The following VAC14 variants were observed in gnomAD, a reference collection of about 807,000 sequenced individuals.
VAC14 encodes protein VAC14 homolog.
Under a neutral mutation model 85.3 loss-of-function variants are expected in VAC14, and 47 were observed. That is an observed-to-expected ratio of 0.55 (90% confidence interval 0.44 to 0.70). VAC14 has a LOEUF of 0.70. Among genes scored for constraint, VAC14 ranks in the 30% least tolerant of loss-of-function variants. VAC14 has a pLI of 0.00. For synonymous variants in VAC14, 447 were observed against 430.5 expected, an observed-to-expected ratio of 1.04 and a Z score of -0.47; for missense variants, 861 against 1,004.3, an observed-to-expected ratio of 0.86 and a Z score of 1.93.
chr16:70,760,750 C>T (rs1450086930), intron 12 of VAC14, among the ~76,000 whole-genome samples: 1 of 152,166 alleles, frequency 6.6e-6, no homozygotes, highest in Admixed American at 6.5e-5. Context: ...GCACAGAAAG[C>T]TGGATGGGAT....
intron 1 of VAC14, among the ~76,000 whole-genome samples, chr16:70,786,825 A>G (rs1316756650): frequency 6.6e-6 from 1 of 152,248 alleles, no homozygotes; most frequent in Non-Finnish European, 1.5e-5. Flanking sequence ...AAATAATTGT[A>G]GCAAAGTGGC....
chr16:70,701,851 C>T (rs1467884758), intron 14 of VAC14, among the ~76,000 whole-genome samples: 1 of 152,206 alleles, frequency 6.6e-6, no homozygotes, highest in Admixed American at 6.5e-5. Flanking sequence ...TTTTTGGTTC[C>T]TGACCTCGCC....
intron 6 of VAC14, 70 bp downstream of exon 6, chr16:70,783,375 G>A: frequency 1.3e-6 from 2 of 1,497,828 alleles, no homozygotes; most frequent in African/African-American, 2.8e-5. Flanking sequence ...GCCTCTCTGT[G>A]GGCATGAAGC....
intron 12 of VAC14, among the ~76,000 whole-genome samples, chr16:70,751,278 G>C (rs766197317): frequency 2.0e-5 from 3 of 152,234 alleles, no homozygotes; most frequent in Admixed American, 2.0e-4. Context: ...GGCCTGGCCA[G>C]GAAGAAGCTG....
intron 12 of VAC14, among the ~76,000 whole-genome samples, chr16:70,750,065 A>G (rs1419281082): frequency 6.6e-6 from 1 of 152,166 alleles, no homozygotes; most frequent in African/African-American, 2.4e-5. Context: ...TATAGGTAGA[A>G]ACCTCTGGAG....
chr16:70,757,737 C>G (rs939302850), intron 12 of VAC14, among the ~76,000 whole-genome samples: 7 of 152,210 alleles, frequency 4.6e-5, no homozygotes, highest in Non-Finnish European at 7.3e-5. Flanking sequence ...AGGCCCTTTA[C>G]AGAAATGACC....
intron 14 of VAC14, among the ~76,000 whole-genome samples, chr16:70,718,785 G>A (rs1467767498): frequency 1.3e-5 from 2 of 152,122 alleles, no homozygotes; most frequent in Non-Finnish European, 2.9e-5. Flanking sequence ...CCCTGTCTGG[G>A]CCAATCAGAG....
chr16:70,768,864 G>A (rs1305074742), intron 10 of VAC14: 4 of 451,326 alleles, frequency 8.9e-6, no homozygotes, highest in South Asian at 3.1e-5. Flanking sequence ...GCAGTGGCGC[G>A]ATCTCGGCTC....
intron 5 of VAC14, 25 bp downstream of exon 5, chr16:70,784,088 G>C: frequency 6.2e-7 from 1 of 1,600,758 alleles, no homozygotes; most frequent in South Asian, 1.1e-5. Flanking sequence ...GGAGGCTGGA[G>C]AAACGGTGTC....
chr16:70,695,009 G>A (rs963400479), intron 17 of VAC14, among the ~76,000 whole-genome samples: 1 of 152,190 alleles, frequency 6.6e-6, no homozygotes, highest in Non-Finnish European at 1.5e-5. Flanking sequence ...GCTGGCTCAT[G>A]TCCAGGAGAC....
chr16:70,723,661 A>G (rs1240568873), intron 14 of VAC14, among the ~76,000 whole-genome samples: 1 of 152,218 alleles, frequency 6.6e-6, no homozygotes, highest in Admixed American at 6.5e-5. Flanking sequence ...TCCATTATCA[A>G]GTTCTCAGCC....
chr16:70,796,454 C>T (rs1219519799), intron 1 of VAC14, among the ~76,000 whole-genome samples: 1 of 152,176 alleles, frequency 6.6e-6, no homozygotes, highest in African/African-American at 2.4e-5. Flanking sequence ...TATCAAATTC[C>T]TTTTATTATA....
intron 12 of VAC14, among the ~76,000 whole-genome samples, chr16:70,754,883 GA>G (rs2031703595): frequency 1.3e-5 from 2 of 152,202 alleles, no homozygotes; most frequent in African/African-American, 4.8e-5. Flanking sequence ...AGAATCTGAG[GA>G]GGAAAAACAA....
rs1399362083 is a variant in VAC14 at position 70,800,791 on chromosome 16, TCTTA to T, written c.104+2_104+5del. On this transcript the variant is annotated splice_donor_variant and splice_donor_5th_base_variant and intron_variant, in intron 1 of 18. Coordinates refer to ENST00000261776, the MANE Select transcript of VAC14 (RefSeq NM_018052.5). LOFTEE classifies it high-confidence loss of function. ...ATAGCCAGGGAGGGGTCCTGGCGGCTCTTACTTCTCGATCTCCAGCGCTGCCACC... is the reference window on the plus strand; with the variant it reads ...ATAGCCAGGGAGGGGTCCTGGCGGCTCTTCTCGATCTCCAGCGCTGCCACC... 1.9e-6 allele frequency: 3 copies of T among 1,609,818 alleles called. No individual in the cohort carries two copies. The highest frequency in any genetic ancestry group is 1.7e-5 in the Admixed American group (1 of 59,816).
intron 18 of VAC14, among the ~76,000 whole-genome samples, chr16:70,692,544 A>G (rs2053617420): frequency 1.3e-5 from 2 of 152,104 alleles, no homozygotes; most frequent in South Asian, 4.1e-4. Context: ...TAGATTTTGC[A>G]TAGCCTCACT....
intron 14 of VAC14, among the ~76,000 whole-genome samples, chr16:70,726,936 C>T (rs964067662): frequency 2.6e-5 from 4 of 152,234 alleles, no homozygotes; most frequent in African/African-American, 9.6e-5. Flanking sequence ...ACCCCGTTCT[C>T]ACCCCCACTG....
chr16:70,719,879 T>A (rs926409567), intron 14 of VAC14, among the ~76,000 whole-genome samples: 1 of 152,216 alleles, frequency 6.6e-6, no homozygotes, highest in African/African-American at 2.4e-5. Context: ...GAAATGTGTC[T>A]ATATGGTTAT....
chr16:70,695,728 T>A, intron 16 of VAC14, 105 bp from the exon 17 acceptor site: 1 of 1,078,894 alleles, frequency 9.3e-7, no homozygotes, highest in Non-Finnish European at 1.4e-6. Flanking sequence ...GCACAGAGCC[T>A]GGTTGTGGTG....
rs111862675 is a variant in VAC14 at position 70,768,621 on chromosome 16, G to A, written c.1160+3488C>T. The A allele has an allele frequency of 9.2e-5, 29 of 315,660 alleles. 1 individual carries two copies. The highest frequency in any genetic ancestry group is 5.0e-4 in the African/African-American group (22 of 43,722). 19.6% of individuals were successfully genotyped at this position (315,660 alleles called of 1,614,324 possible). A position where few individuals can be genotyped will look rare whatever the true frequency, so the allele number is the denominator to read the frequency against. On this transcript the variant is annotated intron_variant, in intron 10 of 18. Coordinates refer to ENST00000261776, the MANE Select transcript of VAC14 (RefSeq NM_018052.5). The stretch of plus-strand genomic sequence containing the variant: ...GGCCACCAGGGGCTTCCCGAGTATC[G>A]CAGGAAGAGGGGAGATGAGGGAGGG...
Sources: gnomAD v4.1 joint callset for allele counts (sites outside exome capture counted in the v4.1 genomes callset) on GRCh38, gnomAD v4.1.1 for gene constraint, MANE v1.5 for transcripts, NCBI Gene and HGNC (gene_info 2026-07-23, HGNC 2026-07-21) for gene names.